RPTOR: variants seen among roughly 807,000 people sequenced by gnomAD.
The protein encoded by RPTOR is regulatory associated protein of MTOR complex 1.
A neutral mutation model predicts 169.9 loss-of-function variants in RPTOR; 21 were observed. The ratio of observed to expected loss-of-function variants is 0.12; its 90% CI spans 0.09 to 0.18. RPTOR has a LOEUF of 0.18. Ranked by LOEUF, RPTOR falls within the 10% of genes least tolerant of loss-of-function variation. The pLI is 1.00. For synonymous variants in RPTOR, 732 were observed against 753.2 expected, an observed-to-expected ratio of 0.97 and a Z score of 0.46; for missense variants, 1,133 against 1,855.9, an observed-to-expected ratio of 0.61 and a Z score of 7.16.
At chr17:80,638,215 G>A (rs754288867) in intron 2 of RPTOR, among the ~76,000 whole-genome samples, 2 of 152,172 alleles carry the variant, frequency 1.3e-5, no homozygotes. Flanking sequence ...GGAAGAGCAT[G>A]AGCCCACACT....
chr17:80,622,853 A>C (rs2065364679), intron 1 of RPTOR, among the ~76,000 whole-genome samples: 1 of 152,220 alleles, frequency 6.6e-6, no homozygotes, highest in South Asian at 2.1e-4. Context: ...CAGTGAGCCA[A>C]GATTATGTCG....
At chr17:80,747,728 C>T (rs1023919663) in intron 5 of RPTOR, among the ~76,000 whole-genome samples, 1 of 152,236 alleles carries the variant, frequency 6.6e-6, no homozygotes, top group Non-Finnish European at 1.5e-5. Flanking sequence ...CCGGACAAGA[C>T]ACAGACTTCT....
At chr17:80,743,903 G>GCAGAGCCCTGGCTACT (rs2066523046) in intron 5 of RPTOR, among the ~76,000 whole-genome samples, 2 of 7,608 alleles carry the variant, frequency 2.6e-4, no homozygotes, top group Non-Finnish European at 5.7e-4. Context: ...TCCTGGTTAC[G>GCAGAGCCCTGGCTACT]AGCACAGCCC....
At chr17:80,700,525 G>A (rs2066079877) in intron 3 of RPTOR, among the ~76,000 whole-genome samples, 1 of 125,914 alleles carries the variant, frequency 7.9e-6, no homozygotes, top group Non-Finnish European at 1.7e-5. Flanking sequence ...TGATGGTGGT[G>A]GTGGTGGTGG....
chr17:80,826,186 C>T (rs569690058), intron 9 of RPTOR, among the ~76,000 whole-genome samples: 8 of 152,278 alleles, frequency 5.3e-5, no homozygotes, highest in South Asian at 4.1e-4. Context: ...AAGGGGATCC[C>T]GGCCCCTCCC....
rs116870080 is a variant in RPTOR, at chr17:80,842,885, C to G, written c.1213-3588C>G. On this transcript the variant is annotated intron_variant, in intron 10 of 33. Coordinates refer to ENST00000306801, the MANE Select transcript of RPTOR (RefSeq NM_020761.3). Reference sequence around the variant, plus strand: ...CACTGAGGACCGTGTCCGCGTGGCTCCCTCTGTTCCCTCCTTTGCACCAAG... The same window carrying G: ...CACTGAGGACCGTGTCCGCGTGGCTGCCTCTGTTCCCTCCTTTGCACCAAG... Among the ~76,000 whole-genome samples the G allele has an allele frequency of 6.7e-3, 1,019 of 152,278 alleles. 2 individuals are homozygous for G. Among genetic ancestry groups the G allele is most frequent in the Non-Finnish European group, 0.011 (727 of 68,024 alleles).
At position 80,707,040 on chromosome 17, in the gene RPTOR, T is replaced by C. The variant is rs1223457900; in HGVS notation, c.349-801T>C. 6.6e-6 allele frequency among the ~76,000 whole-genome samples: 1 copy of C among 152,192 alleles called. No homozygotes were observed. Among genetic ancestry groups the C allele is most frequent in the Non-Finnish European group, 1.5e-5 (1 of 68,036 alleles). On this transcript the variant is annotated intron_variant, in intron 3 of 33. Coordinates refer to ENST00000306801, the MANE Select transcript of RPTOR (RefSeq NM_020761.3). This position sits in a 1 kb window ranked among gnomAD's most constrained non-coding sequence, Gnocchi z 5.0. ...GTTTATTATTTGTGTATATCAAGGC[T>C]ATTGATTGTTCTCTGTCAGTTTTAG... is the stretch of plus-strand genomic sequence containing the variant.
chr17:80,791,307 C>A, intron 6 of RPTOR, 143 bp from the exon 7 acceptor site: 1 of 626,642 alleles, frequency 1.6e-6, no homozygotes, highest in Non-Finnish European at 2.7e-6. Flanking sequence ...CTAAAAGCTG[C>A]CGAATTAAGG....
At chr17:80,625,320 G>GC (rs1483354879) in intron 1 of RPTOR, among the ~76,000 whole-genome samples, 6 of 152,210 alleles carry the variant, frequency 3.9e-5, no homozygotes, top group African/African-American at 1.4e-4. Context: ...TTAATATCTG[G>GC]TGGGAGTGTA....
chr17:80,959,346 T>C lies in RPTOR; in HGVS notation c.3478-732T>C, dbSNP rs1176248110. ...TGGGGGCTTAGAGGCCCAGGTGGCC[T>C]GCGGGGCAGGTGCTGTTCCTGCAGA... On this transcript the variant is annotated intron_variant, in intron 29 of 33. Transcript: ENST00000306801. This position sits in a 1 kb window ranked among gnomAD's most constrained non-coding sequence, Gnocchi z 6.7. Among the ~76,000 whole-genome samples the C allele has an allele frequency of 6.6e-6, 1 of 152,104 alleles. No homozygotes were observed. The highest frequency in any genetic ancestry group is 1.5e-5 in the Non-Finnish European group (1 of 67,992).
Position 80,883,400 on chromosome 17 carries a change from A to G in RPTOR, c.1585-19A>G, listed in dbSNP as rs2068207502. On this transcript the variant is annotated intron_variant, in intron 14 of 33. Coordinates refer to ENST00000306801, the MANE Select transcript of RPTOR (RefSeq NM_020761.3). ...TTTCCACTGAGGGGAGACGACCAGG[A>G]CTGGTTTTTGTTTTCCAGGCTGAAC... 2 of 1,613,404 alleles carry G rather than the reference A, an allele frequency of 1.2e-6. No homozygotes were observed. The highest frequency in any genetic ancestry group is 1.7e-6 in the Non-Finnish European group (2 of 1,179,482).
intron 1 of RPTOR, among the ~76,000 whole-genome samples, chr17:80,558,594 C>A (rs188935940): frequency 6.6e-6 from 1 of 152,310 alleles, no homozygotes; most frequent in African/African-American, 2.4e-5. Flanking sequence ...TTACATCTCG[C>A]CTTGTTTACT....
At chr17:80,821,517 G>A (rs571588711) in intron 7 of RPTOR, among the ~76,000 whole-genome samples, 3 of 152,216 alleles carry the variant, frequency 2.0e-5, no homozygotes, top group South Asian at 4.2e-4. Flanking sequence ...CTGTCCTCAC[G>A]GCTGAGGAGT....
At chr17:80,656,949 C>T (rs1483760601) in intron 3 of RPTOR, among the ~76,000 whole-genome samples, 1 of 152,220 alleles carries the variant, frequency 6.6e-6, no homozygotes, top group Non-Finnish European at 1.5e-5. Flanking sequence ...CTGCCCAGGG[C>T]TGTTTCCTTT....
At position 80,947,402 on chromosome 17, in the gene RPTOR, G is replaced by C; in HGVS notation, c.3265+51G>C. The C allele has an allele frequency of 6.7e-7, 1 of 1,487,196 alleles. No individual in the cohort carries two copies. The highest frequency in any genetic ancestry group is 8.9e-7 in the Non-Finnish European group (1 of 1,119,122). 92.1% of individuals were successfully genotyped at this position (1,487,196 alleles called of 1,614,324 possible). ...TTGGAAGCCAGGGTCTGGAGGAGTG[G>C]CGGGGAGGGTGTGTGATCCTGAGAT... On this transcript the variant is annotated intron_variant, in intron 27 of 33. Coordinates refer to ENST00000306801, the MANE Select transcript of RPTOR (RefSeq NM_020761.3). This position sits in a 1 kb window ranked among gnomAD's most constrained non-coding sequence, Gnocchi z 4.4.
intron 6 of RPTOR, among the ~76,000 whole-genome samples, chr17:80,777,528 G>A (rs933351410): frequency 3.1e-4 from 46 of 149,620 alleles, no homozygotes; most frequent in African/African-American, 1.0e-3. Flanking sequence ...ATCTTTTTAT[G>A]GGCTTATTGG....
At chr17:80,631,038 G>A (rs1264466955) in intron 2 of RPTOR, among the ~76,000 whole-genome samples, 2 of 152,184 alleles carry the variant, frequency 1.3e-5, no homozygotes, top group African/African-American at 4.8e-5. Flanking sequence ...TCGATTCAGT[G>A]TAGAATTCTG....
Position 80,837,934 on chromosome 17 carries a change from C to G in RPTOR, c.1149C>G (p.Asp383Glu), listed in dbSNP as rs1426680049. Residue 383 changes from aspartate to glutamate, a missense_variant, in exon 10 of 34, where the codon GAC (aspartate) becomes GAG (glutamate). Asp to Glu is a conservative substitution (Grantham distance 45, BLOSUM62 2). Coordinates refer to ENST00000306801, the MANE Select transcript of RPTOR (RefSeq NM_020761.3). The stretch of plus-strand genomic sequence containing the variant: ...GTTCTCTCCGCAGGCAAGCCTGGGA[C>G]CTGGCTGTTGACATCTGTCTGTCTC... ...TYMHAMWQAW[D>E]LAVDICLSQL... 1.9e-6 allele frequency: 3 copies of G among 1,611,882 alleles called. No homozygotes were observed. Among genetic ancestry groups the G allele is most frequent in the Non-Finnish European group, 2.5e-6 (3 of 1,178,998 alleles).
intron 5 of RPTOR, among the ~76,000 whole-genome samples, chr17:80,731,804 A>G (rs2066395677): frequency 6.6e-6 from 1 of 152,248 alleles, no homozygotes; most frequent in Non-Finnish European, 1.5e-5. Flanking sequence ...ATTTCATCAT[A>G]GAAAAATGCT....
Sources: gnomAD v4.1 joint callset for allele counts (sites outside exome capture counted in the v4.1 genomes callset) on GRCh38, gnomAD v4.1.1 for gene constraint, Gnocchi (gnomAD v3.1) non-coding constraint, MANE v1.5 for transcripts, NCBI Gene and HGNC (gene_info 2026-07-23, HGNC 2026-07-21) for gene names.